CPLX2: variants seen among roughly 807,000 people sequenced by gnomAD.
CPLX2 encodes the protein complexin-2.
In CPLX2, 5 loss-of-function variants were observed where a neutral mutation model predicts 16.3. That is an observed-to-expected ratio of 0.31 (90% CI 0.16 to 0.64). The LOEUF (loss-of-function observed/expected upper bound fraction) is 0.64, where lower values mean the gene tolerates loss of function less well. Ranked by LOEUF, CPLX2 falls within the 30% of genes least tolerant of loss-of-function variation. The pLI is 0.79. For synonymous variants in CPLX2, 89 were observed against 73.2 expected (o/e 1.22, Z -1.10); for missense variants, 144 against 181.4 (o/e 0.79, Z 1.18).
chr5:175,799,540 A>ATATATATATTTATATT (rs71702847), intron 1 of CPLX2, among the ~76,000 whole-genome samples: 2 of 28,234 alleles, frequency 7.1e-5, no homozygotes, highest in East Asian at 6.3e-4. Flanking sequence ...TGCAAATTTC[A>ATATATATATTTATATT]TATATATATA....
At chr5:175,825,219 C>T (rs1327676071) in intron 2 of CPLX2, among the ~76,000 whole-genome samples, 1 of 151,952 alleles carries the variant, frequency 6.6e-6, no homozygotes, top group East Asian at 1.9e-4. Flanking sequence ...ACATGGTAAA[C>T]CCTGTCTCTA....
chr5:175,878,851 T>C (rs1251752849), intron 2 of CPLX2, 57 bp from the exon 3 acceptor site: 6 of 1,606,038 alleles, frequency 3.7e-6, no homozygotes, highest in Non-Finnish European at 4.3e-6. Flanking sequence ...GGCCCCTCTC[T>C]CCCCAGCCCT....
chr5:175,871,460 A>AGAGG (rs1554122151), upstream of CPLX2: 3 of 136,446 alleles, frequency 2.2e-5, no homozygotes, highest in Non-Finnish European at 4.8e-5. Context: ...AGAGAGAGAG[A>AGAGG]GAGAGAGAGA....
intron 2 of CPLX2, among the ~76,000 whole-genome samples, chr5:175,820,033 C>T (rs868850918): frequency 6.6e-6 from 1 of 152,182 alleles, no homozygotes; most frequent in African/African-American, 2.4e-5. Flanking sequence ...ACCAAAAGTC[C>T]CTACAGAGGT....
intron 2 of CPLX2, 22 bp from the exon 3 acceptor site, chr5:175,878,886 C>T (rs762216901): frequency 3.7e-6 from 6 of 1,608,438 alleles, no homozygotes; most frequent in African/African-American, 1.3e-5. Context: ...CCCGCCCTCT[C>T]CTTCCCACCC....
chr5:175,826,463 G>A (rs907361969), intron 2 of CPLX2, among the ~76,000 whole-genome samples: 7 of 152,204 alleles, frequency 4.6e-5, no homozygotes, highest in African/African-American at 4.8e-5. Flanking sequence ...CTGGGGTGGG[G>A]CTAGTGTTTA....
rs553360082 is a variant in CPLX2 at position 175,814,093 on chromosome 5, A to G, written c.-89+5025A>G. On this transcript the variant is annotated intron_variant, in intron 2 of 4. Transcript: ENST00000359546. ...AGTAAATGCAAGATGTACATGAGGA[A>G]AACAGAGAGAAGTGGTGTATGACTG... Among the ~76,000 whole-genome samples, 6 of 152,362 alleles carry G rather than the reference A, an allele frequency of 3.9e-5. No individual in the cohort carries two copies. In the East Asian group the frequency reaches 9.6e-4, roughly 24 times the overall value.
chr5:175,847,552 G>C (rs1581089858), intron 2 of CPLX2, among the ~76,000 whole-genome samples: 1 of 152,354 alleles, frequency 6.6e-6, no homozygotes, highest in East Asian at 1.9e-4. Context: ...TCTTCCATCA[G>C]AGTTACACAT....
At chr5:175,858,489 G>C (rs1759302522) in intron 2 of CPLX2, among the ~76,000 whole-genome samples, 1 of 152,200 alleles carries the variant, frequency 6.6e-6, no homozygotes, top group African/African-American at 2.4e-5. Flanking sequence ...TCAAGGCATG[G>C]GCAGCGTGAA....
chr5:175,825,344 C>T (rs1329078732), intron 2 of CPLX2, among the ~76,000 whole-genome samples: 2 of 151,590 alleles, frequency 1.3e-5, no homozygotes, highest in African/African-American at 2.4e-5. Context: ...GAGCCAAGAT[C>T]GCACCACTGC....
chr5:175,812,114 T>G (rs1478768750), intron 2 of CPLX2, among the ~76,000 whole-genome samples: 1 of 152,136 alleles, frequency 6.6e-6, no homozygotes, highest in Non-Finnish European at 1.5e-5. Flanking sequence ...TGAGATGTGA[T>G]TCTAACTCTA....
chr5:175,815,086 A>C (rs1342268845), intron 2 of CPLX2, among the ~76,000 whole-genome samples: 1 of 152,158 alleles, frequency 6.6e-6, no homozygotes, highest in Non-Finnish European at 1.5e-5. Context: ...AGTACGAGGC[A>C]CTGTGGTCTC....
chr5:175,808,204 A>T (rs1024522841), intron 1 of CPLX2, among the ~76,000 whole-genome samples: 1 of 152,116 alleles, frequency 6.6e-6, no homozygotes. Context: ...TAAGCAGACC[A>T]TCTCCCCCTC....
At chr5:175,869,770 T>G (rs1759550119), upstream of CPLX2, among the ~76,000 whole-genome samples, 1 of 152,178 alleles carries the variant, frequency 6.6e-6, no homozygotes, top group Admixed American at 6.5e-5. Flanking sequence ...TTCTCGAGCT[T>G]GACATACTCA....
chr5:175,800,745 G>A (rs926261236), intron 1 of CPLX2, among the ~76,000 whole-genome samples: 1 of 152,240 alleles, frequency 6.6e-6, no homozygotes, highest in Non-Finnish European at 1.5e-5. Context: ...CATTCCAAGT[G>A]ATGGTGATAC....
chr5:175,856,306 G>A (rs1432967089), intron 2 of CPLX2, among the ~76,000 whole-genome samples: 1 of 152,170 alleles, frequency 6.6e-6, no homozygotes, highest in African/African-American at 2.4e-5. Flanking sequence ...ACATTCAGCT[G>A]AGACTTCTGT....
At chr5:175,873,210 C>A (rs1438651433) in intron 1 of CPLX2, among the ~76,000 whole-genome samples, 1 of 151,378 alleles carries the variant, frequency 6.6e-6, no homozygotes, top group East Asian at 1.9e-4. Flanking sequence ...AAATCCTCAA[C>A]TGCCGGCAAC....
chr5:175,827,541 G>A (rs1425863145), intron 2 of CPLX2, among the ~76,000 whole-genome samples: 1 of 152,132 alleles, frequency 6.6e-6, no homozygotes, highest in Non-Finnish European at 1.5e-5. Flanking sequence ...GATCACCTGA[G>A]GTCAGGAGTT....
At chr5:175,818,227 C>T (rs907643523) in intron 2 of CPLX2, among the ~76,000 whole-genome samples, 2 of 151,928 alleles carry the variant, frequency 1.3e-5, no homozygotes, top group African/African-American at 2.4e-5. Flanking sequence ...AACAGAAAGT[C>T]GGGAGAAAAG....
Sources: allele counts gnomAD v4.1 joint callset (sites outside exome capture counted in the v4.1 genomes callset), GRCh38; gene constraint gnomAD v4.1.1; transcripts MANE v1.5; gene names NCBI Gene and HGNC (gene_info 2026-07-23, HGNC 2026-07-21).